GSS: variants seen among roughly 807,000 people sequenced by gnomAD.
GSS encodes glutathione synthetase.
A neutral mutation model predicts 60.4 loss-of-function variants in GSS; 34 were observed. The observed-to-expected ratio is 0.56, with a 90% CI of 0.43 to 0.75. GSS has a LOEUF of 0.75. Ranked by LOEUF, GSS falls within the 30% of genes least tolerant of loss-of-function variation. The pLI, the probability that GSS is intolerant of heterozygous loss-of-function variation, is 0.00. For missense variants in GSS, 499 were observed against 595.1 expected, an observed-to-expected ratio of 0.84 and a Z score of 1.68; for synonymous variants, 224 against 239.0, an observed-to-expected ratio of 0.94 and a Z score of 0.58.
intron 1 of GSS, chr20:34,954,617 CTTTG>C (rs2081604480): frequency 6.5e-6 from 1 of 153,426 alleles, no homozygotes; most frequent in Admixed American, 6.6e-5. Flanking sequence ...TAAGTGGGCC[CTTTG>C]TTTTTCTCAT....
rs758473994 is a variant in GSS at position 34,931,962 on chromosome 20, C to T, written c.1006G>A (p.Ala336Thr). The T allele has an allele frequency of 1.9e-6, 3 of 1,614,020 alleles. No individual in the cohort carries two copies. The highest frequency in any genetic ancestry group is 2.2e-5 in the East Asian group (1 of 44,894). ...ACCACATCCAGTGAGTAGAGGCCAG[C>T]AAAGGTGGCGCGGAGGCGGGCCACA... ...EAVARLRATF[A>T]GLYSLDVGEE... is the part of the protein sequence containing the mutation. Residue 336 changes from alanine to threonine, a missense_variant, in exon 10 of 13, where the codon GCT becomes ACT. Coordinates refer to ENST00000651619, the MANE Select transcript of GSS (RefSeq NM_000178.4).
intron 6 of GSS, among the ~76,000 whole-genome samples, chr20:34,939,383 T>G (rs2147127414): frequency 6.6e-6 from 1 of 152,332 alleles, no homozygotes; most frequent in Middle Eastern, 3.4e-3. Flanking sequence ...TAAGTCATTT[T>G]GCAGGCTTCC....
intron 11 of GSS, among the ~76,000 whole-genome samples, chr20:34,930,203 T>C (rs1473919328): frequency 6.6e-6 from 1 of 151,766 alleles, no homozygotes; most frequent in Non-Finnish European, 1.5e-5. Flanking sequence ...GAGGCAGTGG[T>C]TGCAGTGAGC....
At chr20:34,951,430 T>C (rs1176009499) in intron 2 of GSS, 2 of 396,134 alleles carry the variant, frequency 5.0e-6, no homozygotes, top group Admixed American at 4.0e-5. Flanking sequence ...CATCCTGTAA[T>C]TCTCTTACCA....
Position 34,951,732 on chromosome 20 carries a change from A to T in GSS, c.121T>A (p.Ser41Thr). The T allele has an allele frequency of 1.2e-6, 2 of 1,608,630 alleles. No homozygotes were observed. Among genetic ancestry groups the T allele is most frequent in the Non-Finnish European group, 1.7e-6 (2 of 1,177,088 alleles). Reference protein sequence around the residue: ...VLLRTSQEPTSSEVVSYAPFT... With the variant: ...VLLRTSQEPTTSEVVSYAPFT... ...AGGAGCTAGGGGCTTACCTCCGAGGAAGTGGGCTCCTGTGAGGTCCTCAGC... is the reference window on the plus strand; with the variant it reads ...AGGAGCTAGGGGCTTACCTCCGAGGTAGTGGGCTCCTGTGAGGTCCTCAGC... The change falls in exon 2 of 13, where the codon TCC (serine) becomes ACC (threonine). Residue 41 changes from serine (S) to threonine (T), a missense_variant. Ser to Thr is a moderately conservative substitution (Grantham distance 58). Transcript: ENST00000651619.
Position 34,928,909 on chromosome 20 carries a change from T to C in GSS, c.1344A>G (p.Leu448=). 6.2e-7 allele frequency: 1 copy of C among 1,613,826 alleles called. No individual in the cohort carries two copies. Among genetic ancestry groups the C allele is most frequent in the Non-Finnish European group, 8.5e-7 (1 of 1,179,998 alleles). ...TLVMNKHVGH[L]LRTKAIEHAD... ...CATGCTCGATGGCTTTGGTTCGAAG[T>C]AGATGCCCCACGTGCTTGTTCATCA... is the stretch of plus-strand genomic sequence containing the variant. Residue 448 remains leucine, a synonymous_variant, in exon 13 of 13, where the codon CTA becomes CTG. Coordinates refer to ENST00000651619, the MANE Select transcript of GSS (RefSeq NM_000178.4).
At chr20:34,940,586 A>G (rs2081474715) in intron 6 of GSS, among the ~76,000 whole-genome samples, 2 of 152,200 alleles carry the variant, frequency 1.3e-5, no homozygotes, top group African/African-American at 4.8e-5. Context: ...CAGTTTCCTC[A>G]TCTGTAAAAT....
At chr20:34,945,818 G>T in intron 3 of GSS, 135 bp downstream of exon 3, 1 of 905,920 alleles carries the variant, frequency 1.1e-6, no homozygotes, top group Non-Finnish European at 1.8e-6. Flanking sequence ...TGACTCCTAT[G>T]ACTTTTTGTT....
At position 34,950,483 on chromosome 20, in the gene GSS, G is replaced by A. The variant is rs1486889878; in HGVS notation, c.129+1241C>T. 2.6e-5 allele frequency among the ~76,000 whole-genome samples: 4 copies of A among 152,196 alleles called. No homozygotes were observed. In the East Asian group the frequency reaches 7.7e-4, roughly 29 times the overall value. On this transcript the variant is annotated intron_variant, in intron 2 of 12. Transcript: ENST00000651619. Reference sequence around the variant, plus strand: ...AAAGAAAAAAAAGTGGGCAAAAGGAGGCTGGGCACGGTGGTTCACACCTGT... The same window carrying A: ...AAAGAAAAAAAAGTGGGCAAAAGGAAGCTGGGCACGGTGGTTCACACCTGT...
In GSS at chr20:34,942,642, G is replaced by A; in HGVS notation, c.352-15C>T. The A allele has an allele frequency of 6.2e-7, 1 of 1,613,768 alleles. No individual in the cohort carries two copies. ...AGGAACACAGTCTGTGGGGAAAACT[G>A]AAGGCTGACAGTACCTGCCCAGGGA... is the stretch of plus-strand genomic sequence containing the variant. On this transcript the variant is annotated splice_polypyrimidine_tract_variant and intron_variant, in intron 4 of 12. Transcript: ENST00000651619.
chr20:34,947,971 G>A (rs34006566), intron 2 of GSS, among the ~76,000 whole-genome samples: 1,916 of 133,732 alleles, frequency 0.014, 39 homozygotes, highest in African/African-American at 0.05. Context: ...TTTTTGGAGT[G>A]GGGTCTTACT....
rs2081380685 is a variant in GSS, at chr20:34,929,392, T to G, written c.1301+9A>C. 1 of 1,611,968 alleles carries G rather than the reference T, an allele frequency of 6.2e-7. No homozygotes were observed. Among genetic ancestry groups the G allele is most frequent in the African/African-American group, 1.3e-5 (1 of 74,878 alleles). On this transcript the variant is annotated intron_variant, in intron 12 of 12. Transcript: ENST00000651619. ...AGGTAGTGGAAAGAGCTTCTCCTGA[T>G]TGGCTCACCTGACATAGACCCCAAA...
At chr20:34,936,368 G>C (rs1292821718) in intron 8 of GSS, among the ~76,000 whole-genome samples, 2 of 152,174 alleles carry the variant, frequency 1.3e-5, no homozygotes, top group Admixed American at 1.3e-4. Flanking sequence ...ATAAGGCTTG[G>C]CTTGGAACAC....
At chr20:34,942,908 G>A in intron 4 of GSS, 23 bp downstream of exon 4, 1 of 1,513,780 alleles carries the variant, frequency 6.6e-7, no homozygotes, top group Non-Finnish European at 9.2e-7. Context: ...GTTACAGACT[G>A]GAGTAGGGCT....
chr20:34,945,107 G>A (rs2081510492), intron 3 of GSS, among the ~76,000 whole-genome samples: 1 of 151,466 alleles, frequency 6.6e-6, no homozygotes. Flanking sequence ...TGCAGCCTCT[G>A]CCTCCTGGGT....
chr20:34,929,959 T>C (rs772778899), intron 11 of GSS, among the ~76,000 whole-genome samples: 1 of 152,120 alleles, frequency 6.6e-6, no homozygotes, highest in Non-Finnish European at 1.5e-5. Context: ...TGAGTCTCCA[T>C]CTATACCCTA....
At position 34,931,329 on chromosome 20, in the gene GSS, C is replaced by T. The variant is rs1245323117; in HGVS notation, c.1111+7G>A. The T allele has an allele frequency of 1.2e-6, 2 of 1,608,810 alleles. No homozygotes were observed. The highest frequency in any genetic ancestry group is 1.7e-5 in the Admixed American group (1 of 60,014). On this transcript the variant is annotated splice_region_variant and intron_variant, in intron 11 of 12. Transcript: ENST00000651619. ...TTGAGGAGCCCTGCAAAGGGAGATC[C>T]ACCTACCTCCACCCTCTCTCTGGGG... is the stretch of plus-strand genomic sequence containing the variant.
intron 9 of GSS, among the ~76,000 whole-genome samples, chr20:34,935,039 ATC>A (rs1414191589): frequency 6.6e-6 from 1 of 152,240 alleles, no homozygotes; most frequent in Admixed American, 6.5e-5. Context: ...AAGCCTCTCC[ATC>A]TCTCTAAACG....
At chr20:34,949,042 A>ATTTTT (rs575946164) in intron 2 of GSS, among the ~76,000 whole-genome samples, 1 of 148,420 alleles carries the variant, frequency 6.7e-6, no homozygotes, top group Admixed American at 6.7e-5. Flanking sequence ...TAATTTCATG[A>ATTTTT]TTTTTTTTTT....
Sources: allele counts gnomAD v4.1 joint callset (sites outside exome capture counted in the v4.1 genomes callset), GRCh38; gene constraint gnomAD v4.1.1; transcripts MANE v1.5; gene names NCBI Gene and HGNC (gene_info 2026-07-23, HGNC 2026-07-21).